The following MUSK variants were observed in gnomAD, a reference collection of about 807,000 sequenced individuals.
MUSK encodes muscle, skeletal receptor tyrosine-protein kinase.
In MUSK, 55 loss-of-function variants were observed where a neutral mutation model predicts 88.7. That is an observed-to-expected ratio of 0.62 (90% CI 0.50 to 0.78). MUSK has a LOEUF of 0.78. MUSK is among the 30% of genes least tolerant of loss of function. The pLI is 0.00. For missense variants in MUSK, 1,015 were observed against 1,074.3 expected (o/e 0.94, Z 0.77); for synonymous variants, 387 against 391.9 (o/e 0.99, Z 0.15).
intron 3 of MUSK, among the ~76,000 whole-genome samples, chr9:110,694,411 A>AC (rs797022639): frequency 2.3e-4 from 33 of 143,704 alleles, no homozygotes; most frequent in African/African-American, 8.6e-4. Flanking sequence ...AAAAAACAAA[A>AC]AAACAAAACC....
chr9:110,726,660 A>G (rs73538102), intron 5 of MUSK, among the ~76,000 whole-genome samples: 4,402 of 152,200 alleles, frequency 0.029, 210 homozygotes, highest in African/African-American at 0.1. Context: ...GACACTTAAT[A>G]TCCCTATAAA....
chr9:110,785,745 T>C, intron 13 of MUSK, 27 bp downstream of exon 13: 1 of 1,533,742 alleles, frequency 6.5e-7, no homozygotes, highest in East Asian at 2.3e-5. Flanking sequence ...AAAAAAAAAC[T>C]CCATTGAAAT....
At chr9:110,775,197 T>C (rs1282938358) in intron 9 of MUSK, 1 of 153,616 alleles carries the variant, frequency 6.5e-6, no homozygotes, top group Non-Finnish European at 1.4e-5. Flanking sequence ...CTTTCTCAGA[T>C]GGAAGCACGC....
intron 5 of MUSK, among the ~76,000 whole-genome samples, chr9:110,719,896 C>T (rs1194170220): frequency 3.3e-5 from 5 of 152,052 alleles, no homozygotes; most frequent in Admixed American, 2.6e-4. Flanking sequence ...AATATTCTCT[C>T]ACACCACAGT....
At chr9:110,697,678 T>C (rs536542832) in intron 5 of MUSK, among the ~76,000 whole-genome samples, 9 of 152,312 alleles carry the variant, frequency 5.9e-5, no homozygotes, top group East Asian at 5.8e-4. Flanking sequence ...TCATATTCCA[T>C]TGATTACTCA....
rs184622936 is a variant in MUSK at position 110,763,082 on chromosome 9, A to T, written c.920+874A>T. The stretch of plus-strand genomic sequence containing the variant: ...TTTAAAACATCATGTGGTACACAAT[A>T]AAAAAAACAGTTTTTTTTAACTAAA... On this transcript the variant is annotated intron_variant, in intron 8 of 14. Coordinates refer to ENST00000374448, the MANE Select transcript of MUSK (RefSeq NM_005592.4). 1.2e-3 allele frequency among the ~76,000 whole-genome samples: 185 copies of T among 151,966 alleles called. 1 individual carries two copies. Among genetic ancestry groups the T allele is most frequent in the South Asian group, 9.0e-3 (43 of 4,782 alleles).
chr9:110,710,344 C>A (rs1197158478), intron 5 of MUSK, among the ~76,000 whole-genome samples: 1 of 152,140 alleles, frequency 6.6e-6, no homozygotes, highest in Non-Finnish European at 1.5e-5. Flanking sequence ...ATCTAGAACA[C>A]AGAGTTCTTA....
intron 1 of MUSK, among the ~76,000 whole-genome samples, chr9:110,680,287 A>G (rs552346861): frequency 6.6e-6 from 1 of 152,248 alleles, no homozygotes; most frequent in Admixed American, 6.5e-5. Context: ...TTAAGGAATT[A>G]AACTTTTTCT....
intron 7 of MUSK, among the ~76,000 whole-genome samples, chr9:110,760,363 T>C (rs548903257): frequency 1.3e-5 from 2 of 152,250 alleles, no homozygotes; most frequent in East Asian, 3.9e-4. Context: ...ATATACACCA[T>C]GGAATACTAC....
rs549417539 is a variant in MUSK, at chr9:110,753,604, C to T, written c.913+5804C>T. Reference sequence around the variant, plus strand: ...GAGTACAGGGACGAGCCTATGGTCACACACCCCTCTAATGTAAGCCGCTCC... The same window carrying T: ...GAGTACAGGGACGAGCCTATGGTCATACACCCCTCTAATGTAAGCCGCTCC... On this transcript the variant is annotated intron_variant, in intron 7 of 14. Coordinates refer to ENST00000374448, the MANE Select transcript of MUSK (RefSeq NM_005592.4). Among the ~76,000 whole-genome samples the T allele has an allele frequency of 1.6e-3, 238 of 152,248 alleles. 2 individuals are homozygous for T. Among genetic ancestry groups the T allele is most frequent in the African/African-American group, 5.6e-3 (233 of 41,548 alleles).
At chr9:110,669,962 G>C (rs997283801) in intron 1 of MUSK, among the ~76,000 whole-genome samples, 1 of 152,026 alleles carries the variant, frequency 6.6e-6, no homozygotes, top group Non-Finnish European at 1.5e-5. Context: ...GTATTGTGTA[G>C]ATAAATGAAG....
chr9:110,724,762 T>A (rs1170704800), intron 5 of MUSK, among the ~76,000 whole-genome samples: 2 of 152,038 alleles, frequency 1.3e-5, no homozygotes, highest in Non-Finnish European at 2.9e-5. Flanking sequence ...TGCTATGTAC[T>A]TATATTCTAC....
chr9:110,783,669 T>C (rs1386153006), intron 11 of MUSK, among the ~76,000 whole-genome samples: 1 of 152,052 alleles, frequency 6.6e-6, no homozygotes, highest in East Asian at 1.9e-4. Flanking sequence ...ACGTGTATTC[T>C]AACTTATTAA....
At chr9:110,671,092 C>T (rs1165838727) in intron 1 of MUSK, among the ~76,000 whole-genome samples, 1 of 152,126 alleles carries the variant, frequency 6.6e-6, no homozygotes, top group African/African-American at 2.4e-5. Flanking sequence ...CTGCCTCAGA[C>T]TCGCAAATAC....
At chr9:110,741,964 T>A (rs1207517789) in intron 6 of MUSK, among the ~76,000 whole-genome samples, 1 of 152,182 alleles carries the variant, frequency 6.6e-6, no homozygotes, top group African/African-American at 2.4e-5. Context: ...ATGGTATAAT[T>A]AGAGACATCA....
intron 5 of MUSK, among the ~76,000 whole-genome samples, chr9:110,729,075 G>C (rs1008113641): frequency 6.6e-6 from 1 of 151,550 alleles, no homozygotes; most frequent in Non-Finnish European, 1.5e-5. Context: ...GTGGGGGTTG[G>C]GGGGCTTTAC....
chr9:110,690,231 T>A (rs1587907663), intron 3 of MUSK, among the ~76,000 whole-genome samples: 1 of 84,946 alleles, frequency 1.2e-5, no homozygotes, highest in South Asian at 3.6e-4. Context: ...TATAAATATA[T>A]ATTTAAGTAT....
chr9:110,679,182 T>C (rs1298090139), intron 1 of MUSK, among the ~76,000 whole-genome samples: 1 of 152,068 alleles, frequency 6.6e-6, no homozygotes, highest in East Asian at 1.9e-4. Flanking sequence ...GAAGGAGATC[T>C]CTTAAAGGGT....
chr9:110,806,350 A>G lies in MUSK; in HGVS notation c.*5362A>G, dbSNP rs991503388. 6.6e-6 allele frequency among the ~76,000 whole-genome samples: 1 copy of G among 152,122 alleles called. No individual in the cohort carries two copies. Among genetic ancestry groups the G allele is most frequent in the Non-Finnish European group, 1.5e-5 (1 of 67,992 alleles). On this transcript the variant is annotated 3_prime_UTR_variant, in exon 15 of 15. Transcript: ENST00000374448. ...GTGCTACATAAAATTAGAGCTTCCA[A>G]ATTTCCCTCCATCACTTCTCCCTGC...
Sources: allele counts gnomAD v4.1 joint callset (sites outside exome capture counted in the v4.1 genomes callset), GRCh38; gene constraint gnomAD v4.1.1; transcripts MANE v1.5; gene names NCBI Gene and HGNC (gene_info 2026-07-23, HGNC 2026-07-21).